IFT140: variants seen among roughly 807,000 people sequenced by gnomAD.
The protein encoded by IFT140 is intraflagellar transport protein 140 homolog.
Under a neutral mutation model 164.6 loss-of-function variants are expected in IFT140, and 133 were observed. The observed-to-expected ratio is 0.81, with a 90% confidence interval of 0.70 to 0.93. IFT140 has a LOEUF of 0.93. IFT140 is among the 40% of genes least tolerant of loss of function. IFT140 has a pLI of 0.00. For missense variants in IFT140, 2,045 were observed against 1,972.3 expected, an observed-to-expected ratio of 1.04 and a Z score of -0.70; for synonymous variants, 860 against 817.3, an observed-to-expected ratio of 1.05 and a Z score of -0.89.
chr16:1,582,761 G>T (rs2034641033), intron 12 of IFT140, among the ~76,000 whole-genome samples: 1 of 152,228 alleles, frequency 6.6e-6, no homozygotes, highest in Admixed American at 6.5e-5. Context: ...AAATTAGCCG[G>T]GTGTGGTGGC....
At chr16:1,554,743 C>G in intron 19 of IFT140, 1 of 1,607,446 alleles carries the variant, frequency 6.2e-7, no homozygotes, top group Non-Finnish European at 8.5e-7. Context: ...ACCCGCCTTC[C>G]TCTCAGACAA....
rs777181948 is a variant in IFT140, at chr16:1,510,955, C to G, written c.4378G>C (p.Asp1460His). ...LDEEVVEEAD[D>H]DP The stretch of plus-strand genomic sequence containing the variant: ...GGGGCCCAGGCCCCTCAGGGGTCGT[C>G]ATCTGCCTCTTCCACCACCTCCTCG... Residue 1460 changes from aspartate to histidine, a missense_variant, in exon 31 of 31, where the codon GAC becomes CAC. Transcript: ENST00000426508. 10 of 1,611,730 alleles carry G rather than the reference C, an allele frequency of 6.2e-6. No individual in the cohort carries two copies. In the South Asian group the frequency reaches 9.9e-5, roughly 16 times the overall value.
chr16:1,610,006 C>A (rs1275416844), intron 2 of IFT140: 1 of 152,300 alleles, frequency 6.6e-6, no homozygotes, highest in East Asian at 1.9e-4. Context: ...CAAGTGCCTC[C>A]ATCAAACCAG....
chr16:1,586,350 A>T (rs1162905727), intron 9 of IFT140, 75 bp from the exon 10 acceptor site: 1 of 1,447,136 alleles, frequency 6.9e-7, no homozygotes, highest in African/African-American at 1.4e-5. Flanking sequence ...CTGTTCTCTA[A>T]CCCCCTTCTT....
At chr16:1,573,303 A>G (rs1289512737) in intron 13 of IFT140, among the ~76,000 whole-genome samples, 1 of 152,102 alleles carries the variant, frequency 6.6e-6, no homozygotes, top group African/African-American at 2.4e-5. Context: ...GACAGAGAGC[A>G]CTGGAGGCTC....
chr16:1,607,074 G>A (rs980309867), intron 3 of IFT140, 46 bp downstream of exon 3: 5 of 1,595,978 alleles, frequency 3.1e-6, no homozygotes, highest in Non-Finnish European at 3.4e-6. Flanking sequence ...CAAACAACAT[G>A]AGCCAGAAGC....
rs147292597 is a variant in IFT140 at position 1,520,660 on chromosome 16, C to A, written c.3602G>T (p.Arg1201Leu). Residue 1201 changes from arginine to leucine, a missense_variant, in exon 27 of 31, where the codon CGC (arginine) becomes CTC (leucine). By Grantham distance (102) the Arg-to-Leu change is moderately radical. Coordinates refer to ENST00000426508, the MANE Select transcript of IFT140 (RefSeq NM_014714.4). ...GGTGGCCAGGTGGTAGCTGCCCTGG[C>A]GCATGCAGCAGTCTGCTATCTGCTC... ...LLEQIADCCM[R>L]QGSYHLATKK... is the part of the protein sequence containing the mutation. 6.2e-7 allele frequency: 1 copy of A among 1,604,730 alleles called. No individual in the cohort carries two copies.
rs542312656 is a variant in IFT140 at position 1,600,497 on chromosome 16, G to A, written c.369+1873C>T. Among the ~76,000 whole-genome samples, 4 of 151,174 alleles carry A rather than the reference G, an allele frequency of 2.6e-5. No homozygotes were observed. The South Asian group carries it at 8.4e-4, about 32-fold the overall frequency. On this transcript the variant is annotated intron_variant, in intron 4 of 30. Transcript: ENST00000426508. Reference sequence around the variant, plus strand: ...AAAAAATGTACACAGGTGCAAAATGGCAAAAGCATAAGGTTACTCACTGCA... The same window carrying A: ...AAAAAATGTACACAGGTGCAAAATGACAAAAGCATAAGGTTACTCACTGCA...
intron 13 of IFT140, among the ~76,000 whole-genome samples, chr16:1,578,629 C>T (rs554327482): frequency 1.3e-5 from 2 of 151,748 alleles, no homozygotes; most frequent in African/African-American, 4.8e-5. Context: ...CGCCTGTAAT[C>T]CCAGCACTTT....
intron 15 of IFT140, 76 bp downstream of exon 15, chr16:1,568,141 G>C (rs144434626): frequency 2.0e-6 from 2 of 1,011,572 alleles, no homozygotes; most frequent in Admixed American, 2.0e-5. Flanking sequence ...AGAGAGGCAC[G>C]AGCAGGCAGG....
chr16:1,534,697 G>C (rs2030887235), intron 19 of IFT140: 3 of 1,243,518 alleles, frequency 2.4e-6, no homozygotes, highest in Admixed American at 4.8e-5. Context: ...CAGGCAGGAG[G>C]GGGCACTGTG....
At chr16:1,604,274 C>CATGT (rs3222244) in intron 3 of IFT140, 9 of 129,812 alleles carry the variant, frequency 6.9e-5, no homozygotes, top group African/African-American at 2.6e-4. Context: ...GCTGCAAGGG[C>CATGT]GTGTGTGTGT....
chr16:1,603,487 T>C (rs909051057), intron 3 of IFT140, among the ~76,000 whole-genome samples: 2 of 147,752 alleles, frequency 1.4e-5, no homozygotes, highest in African/African-American at 4.9e-5. Flanking sequence ...GCGTTTCCTC[T>C]TTTTTTTTTT....
At chr16:1,601,183 G>C (rs2035777985) in intron 4 of IFT140, among the ~76,000 whole-genome samples, 1 of 150,890 alleles carries the variant, frequency 6.6e-6, no homozygotes. Context: ...AGAATCGCTT[G>C]AACTCAGGAT....
intron 3 of IFT140, among the ~76,000 whole-genome samples, chr16:1,603,366 T>A (rs1280176014): frequency 6.6e-6 from 1 of 152,160 alleles, no homozygotes; most frequent in East Asian, 1.9e-4. Context: ...AGAATAATAG[T>A]GACAGGTTAG....
At chr16:1,571,372 A>T in intron 14 of IFT140, 35 bp downstream of exon 14, 2 of 1,603,284 alleles carry the variant, frequency 1.2e-6, no homozygotes, top group Non-Finnish European at 1.7e-6. Flanking sequence ...CTGACTAAAA[A>T]AATGTTCACA....
intron 30 of IFT140, among the ~76,000 whole-genome samples, chr16:1,513,819 G>A (rs534466365): frequency 2.5e-4 from 37 of 149,414 alleles, no homozygotes; most frequent in South Asian, 4.3e-4. Flanking sequence ...GACTACAGGC[G>A]CCCACCACCA....
At chr16:1,574,531 T>G (rs113165426) in intron 13 of IFT140, among the ~76,000 whole-genome samples, 1 of 152,190 alleles carries the variant, frequency 6.6e-6, no homozygotes, top group African/African-American at 2.4e-5. Context: ...TCCTCCCACC[T>G]GGGCCTCCCA....
intron 16 of IFT140, 132 bp downstream of exon 16, chr16:1,566,029 C>T: frequency 2.6e-6 from 2 of 771,544 alleles, no homozygotes; most frequent in Non-Finnish European, 4.2e-6. Flanking sequence ...TTCTGTTTTC[C>T]TCTTTCTTTT....
Sources: gnomAD v4.1 joint callset for allele counts (sites outside exome capture counted in the v4.1 genomes callset) on GRCh38, gnomAD v4.1.1 for gene constraint, MANE v1.5 for transcripts, NCBI Gene and HGNC (gene_info 2026-07-23, HGNC 2026-07-21) for gene names.